The following RAPGEF6 variants were observed in gnomAD, a reference collection of about 807,000 sequenced individuals.
RAPGEF6 encodes PDZ domain containing guanine nucleotide exchange factor (GEF) 2.
A neutral mutation model predicts 171.4 loss-of-function variants in RAPGEF6; 56 were observed. The observed-to-expected ratio is 0.33, with a 90% CI of 0.26 to 0.41. The LOEUF (loss-of-function observed/expected upper bound fraction) is 0.41. Ranked by LOEUF, RAPGEF6 falls within the 10% of genes least tolerant of loss-of-function variation. The probability of loss-of-function intolerance (pLI) is 1.00; values close to 1 mark genes in which losing one functional copy is unlikely to be tolerated. For missense variants in RAPGEF6, 1,674 were observed against 1,921.4 expected, an observed-to-expected ratio of 0.87 and a Z score of 2.41; for synonymous variants, 692 against 650.1, an observed-to-expected ratio of 1.06 and a Z score of -0.98.
At chr5:131,528,482 G>A (rs76102332) in intron 6 of RAPGEF6, among the ~76,000 whole-genome samples, 2,681 of 150,454 alleles carry the variant, frequency 0.018, 82 homozygotes, top group African/African-American at 0.062. Flanking sequence ...AACTACAAGA[G>A]AAACATGGAA....
At chr5:131,500,509 T>G (rs990374694) in intron 11 of RAPGEF6, among the ~76,000 whole-genome samples, 9 of 152,176 alleles carry the variant, frequency 5.9e-5, no homozygotes, top group Non-Finnish European at 1.0e-4. Context: ...CATTCTAAAT[T>G]TTATTTAAAG....
intron 21 of RAPGEF6, among the ~76,000 whole-genome samples, chr5:131,449,618 CT>C (rs1752930815): frequency 6.6e-6 from 1 of 152,146 alleles, no homozygotes; most frequent in African/African-American, 2.4e-5. Flanking sequence ...TGAACTAAAA[CT>C]TTAGGCAACT....
chr5:131,510,222 T>C lies in RAPGEF6; in HGVS notation c.805+92A>G, dbSNP rs1757629545. 4 of 1,279,456 alleles carry C rather than the reference T, an allele frequency of 3.1e-6. No homozygotes were observed. The Admixed American group carries it at 7.7e-5, about 25-fold the overall frequency. 79.3% of individuals were successfully genotyped at this position (1,279,456 alleles called of 1,614,324 possible). A position where few individuals can be genotyped will look rare whatever the true frequency, so the allele number is the denominator to read the frequency against. On this transcript the variant is annotated intron_variant, in intron 8 of 27. Transcript: ENST00000509018. ...AGATAATGGCTTAACACAACACACA[T>C]TTATTAAGTTTTAGAATAATTTGTT...
intron 20 of RAPGEF6, among the ~76,000 whole-genome samples, chr5:131,453,618 A>T (rs1753263584): frequency 6.6e-6 from 1 of 152,096 alleles, no homozygotes; most frequent in Non-Finnish European, 1.5e-5. Context: ...AACAAAACAA[A>T]ACAAAAATCC....
At chr5:131,617,988 A>C (rs1486074104) in intron 1 of RAPGEF6, among the ~76,000 whole-genome samples, 1 of 152,216 alleles carries the variant, frequency 6.6e-6, no homozygotes, top group Non-Finnish European at 1.5e-5. Flanking sequence ...TGGAGCCCAG[A>C]CTTTGGTTTC....
intron 17 of RAPGEF6, among the ~76,000 whole-genome samples, chr5:131,467,974 T>A (rs1340349990): frequency 1.3e-5 from 2 of 150,884 alleles, no homozygotes; most frequent in African/African-American, 4.9e-5. Flanking sequence ...GAGGCTGCAG[T>A]GAGCCGAGAT....
intron 13 of RAPGEF6, among the ~76,000 whole-genome samples, chr5:131,493,994 T>C (rs1030698006): frequency 3.9e-5 from 6 of 152,196 alleles, no homozygotes; most frequent in Non-Finnish European, 5.9e-5. Context: ...GGACCAAATT[T>C]GCCAATTTTT....
At chr5:131,549,942 C>T (rs1435135305) in intron 5 of RAPGEF6, among the ~76,000 whole-genome samples, 2 of 152,086 alleles carry the variant, frequency 1.3e-5, no homozygotes. Flanking sequence ...CATTTAGCTC[C>T]TCTCTCTTTC....
chr5:131,552,827 C>T (rs1046824250), intron 5 of RAPGEF6, among the ~76,000 whole-genome samples: 9 of 151,950 alleles, frequency 5.9e-5, no homozygotes, highest in Admixed American at 2.6e-4. Context: ...GACATATGAA[C>T]TCATAGACAA....
intron 7 of RAPGEF6, among the ~76,000 whole-genome samples, chr5:131,520,572 T>C (rs1758413296): frequency 6.6e-6 from 1 of 152,208 alleles, no homozygotes; most frequent in Non-Finnish European, 1.5e-5. Flanking sequence ...GGTAATATAT[T>C]TGAATTCCTT....
chr5:131,484,587 C>T (rs1265677134), intron 15 of RAPGEF6, among the ~76,000 whole-genome samples: 1 of 152,110 alleles, frequency 6.6e-6, no homozygotes, highest in African/African-American at 2.4e-5. Context: ...CCTGCAGTGT[C>T]TGTCAAAAGT....
chr5:131,428,011 G>A (rs1751475359), intron 27 of RAPGEF6, among the ~76,000 whole-genome samples: 1 of 152,110 alleles, frequency 6.6e-6, no homozygotes, highest in African/African-American at 2.4e-5. Context: ...GCTGAGGAGG[G>A]AGAATTACCT....
intron 13 of RAPGEF6, among the ~76,000 whole-genome samples, chr5:131,493,533 T>A (rs1249118345): frequency 6.6e-6 from 1 of 152,218 alleles, no homozygotes; most frequent in Non-Finnish European, 1.5e-5. Context: ...CAAGTTTTCA[T>A]CTCGTCCAGA....
intron 4 of RAPGEF6, among the ~76,000 whole-genome samples, chr5:131,574,252 C>T (rs944766406): frequency 1.3e-5 from 2 of 152,140 alleles, no homozygotes; most frequent in Admixed American, 6.5e-5. Context: ...CAATTCACAT[C>T]GCCGCTGCTC....
chr5:131,441,742 C>A (rs140245839), intron 23 of RAPGEF6, among the ~76,000 whole-genome samples: 1 of 152,064 alleles, frequency 6.6e-6, no homozygotes, highest in Admixed American at 6.5e-5. Context: ...GAACAAAGTT[C>A]TACTAAACAT....
intron 3 of RAPGEF6, among the ~76,000 whole-genome samples, chr5:131,602,692 C>T (rs1036186490): frequency 1.3e-5 from 2 of 152,004 alleles, no homozygotes; most frequent in Admixed American, 6.6e-5. Flanking sequence ...ACCTGGGAGG[C>T]GGAAGTTGCA....
At chr5:131,486,726 A>T (rs961068322) in intron 15 of RAPGEF6, among the ~76,000 whole-genome samples, 33 of 127,272 alleles carry the variant, frequency 2.6e-4, no homozygotes, top group Admixed American at 4.2e-4. Flanking sequence ...CAAGGGATAA[A>T]TTTTTTTTTT....
chr5:131,532,191 A>T, intron 6 of RAPGEF6: 1 of 438,442 alleles, frequency 2.3e-6, no homozygotes. Flanking sequence ...TTTTCAAACC[A>T]GAGCTACAGT....
At chr5:131,558,958 G>T (rs1041477014) in intron 5 of RAPGEF6, among the ~76,000 whole-genome samples, 1 of 152,102 alleles carries the variant, frequency 6.6e-6, no homozygotes. Context: ...GGTAAAATGT[G>T]TACATGATGA....
Sources: allele counts gnomAD v4.1 joint callset (sites outside exome capture counted in the v4.1 genomes callset), GRCh38; gene constraint gnomAD v4.1.1; transcripts MANE v1.5; gene names NCBI Gene and HGNC (gene_info 2026-07-23, HGNC 2026-07-21).